Variants in IYD observed in about 807,000 individuals in gnomAD.
The protein encoded by IYD is iodotyrosine deiodinase.
IYD carries 25 observed loss-of-function variants against 28.4 expected under a neutral mutation model. The observed-to-expected ratio is 0.88, with a 90% CI of 0.64 to 1.23. The LOEUF is 1.23. Among genes scored for constraint, IYD ranks in the 50% most tolerant of loss-of-function variants. The pLI is 0.00. For synonymous variants in IYD, 140 were observed against 130.8 expected (o/e 1.07, Z -0.48); for missense variants, 352 against 357.9 (o/e 0.98, Z 0.13).
chr6:150,395,550 C>T (rs1778281918), intron 4 of IYD: 1 of 1,537,296 alleles, frequency 6.5e-7, no homozygotes. Flanking sequence ...GCAAGCTCAG[C>T]TCACAAGGCT....
chr6:150,391,308 A>G (rs932037666), intron 2 of IYD, among the ~76,000 whole-genome samples: 4 of 152,110 alleles, frequency 2.6e-5, no homozygotes, highest in Non-Finnish European at 4.4e-5. Context: ...CCACACTCAT[A>G]GCTTTGATAC....
intron 2 of IYD, chr6:150,389,753 A>G (rs1778041043): frequency 1.8e-6 from 1 of 547,616 alleles, no homozygotes; most frequent in Non-Finnish European, 3.3e-6. Flanking sequence ...TTGGAAGAAG[A>G]TGTGACAATA....
In IYD at chr6:150,398,116, T is replaced by C. The variant is rs761428166; in HGVS notation, c.749T>C (p.Leu250Pro). Residue 250 changes from leucine to proline, a missense_variant, in exon 5 of 5, where the codon CTC becomes CCC. Leu to Pro is a moderately conservative substitution (Grantham distance 98, BLOSUM62 -3). Transcript: ENST00000344419. Reference sequence around the variant, plus strand: ...AACTGTGGCCCTCGACTGAGGGTGCTCCTGGGCCGCCCCGCACATGAAAAG... The same window carrying C: ...AACTGTGGCCCTCGACTGAGGGTGCCCCTGGGCCGCCCCGCACATGAAAAG... ...PLNCGPRLRV[L>P]LGRPAHEKLL... The C allele has an allele frequency of 5.0e-6, 8 of 1,614,204 alleles. No individual in the cohort carries two copies. Among genetic ancestry groups the C allele is most frequent in the South Asian group, 1.1e-5 (1 of 91,082 alleles).
In IYD at chr6:150,398,871, A is replaced by T. The variant is rs1389544955; in HGVS notation, c.*634A>T. ...AGCCTGGCCAACATGGTGAAACCCC[A>T]TCTCTACTAAAAATACAAAAAATTA... On this transcript the variant is annotated 3_prime_UTR_variant, in exon 5 of 5. Coordinates refer to ENST00000344419, the MANE Select transcript of IYD (RefSeq NM_203395.3). 4 of 152,264 alleles carry T rather than the reference A, an allele frequency of 2.6e-5. No homozygotes were observed. Among genetic ancestry groups the T allele is most frequent in the Admixed American group, 6.6e-5 (1 of 15,264 alleles). 9.4% of individuals were successfully genotyped at this position (152,264 alleles called of 1,614,324 possible). A position where few individuals can be genotyped will look rare whatever the true frequency, so the allele number is the denominator to read the frequency against.
intron 1 of IYD, among the ~76,000 whole-genome samples, chr6:150,388,101 G>T (rs1777946478): frequency 6.6e-6 from 1 of 152,062 alleles, no homozygotes; most frequent in South Asian, 2.1e-4. Flanking sequence ...TTTGTATATT[G>T]GCATTTTCTT....
intron 1 of IYD, among the ~76,000 whole-genome samples, chr6:150,378,676 C>A (rs920052266): frequency 6.6e-5 from 10 of 152,182 alleles, no homozygotes; most frequent in Non-Finnish European, 1.5e-4. Flanking sequence ...AATATGAACA[C>A]TTTTACACTG....
chr6:150,396,678 T>C (rs1050652546), intron 4 of IYD: 6 of 371,980 alleles, frequency 1.6e-5, no homozygotes, highest in East Asian at 9.7e-5. Context: ...ATCGAGACCA[T>C]CCTGGCTAAC....
Position 150,369,099 on chromosome 6 carries a change from C to T in IYD, c.68C>T (p.Ala23Val). 6.2e-7 allele frequency: 1 copy of T among 1,613,864 alleles called. No homozygotes were observed. The highest frequency in any genetic ancestry group is 8.5e-7 in the Non-Finnish European group (1 of 1,179,972). The change falls in exon 1 of 5, where the codon GCC becomes GTC. Residue 23 changes from alanine to valine, a missense_variant. Transcript: ENST00000344419. Reference sequence around the variant, plus strand: ...TTGGTTGTGTGGATCTTTAAAAATGCCGACAGAAGCATGGAGAAAAAGAAG... The same window carrying T: ...TTGGTTGTGTGGATCTTTAAAAATGTCGACAGAAGCATGGAGAAAAAGAAG... ...CILVVWIFKN[A>V]DRSMEKKKGE...
At position 150,398,095 on chromosome 6, in the gene IYD, G is replaced by C. The variant is rs1281671695; in HGVS notation, c.728G>C (p.Cys243Ser). The change falls in exon 5 of 5, where the codon TGT (cysteine) becomes TCT (serine). Residue 243 changes from cysteine (C) to serine (S), a missense_variant. Physicochemically the swap from Cys to Ser is moderately radical, Grantham distance 112. Coordinates refer to ENST00000344419, the MANE Select transcript of IYD (RefSeq NM_203395.3). ...LVTVTTTPLN[C>S]GPRLRVLLGR... ...ACTGTCACTACCACTCCTCTCAACT[G>C]TGGCCCTCGACTGAGGGTGCTCCTG... is the stretch of plus-strand genomic sequence containing the variant. The C allele has an allele frequency of 1.2e-6, 2 of 1,614,176 alleles. No homozygotes were observed. Among genetic ancestry groups the C allele is most frequent in the Non-Finnish European group, 1.7e-6 (2 of 1,180,040 alleles).
At chr6:150,383,472 G>A (rs1777728773) in intron 1 of IYD, among the ~76,000 whole-genome samples, 1 of 152,176 alleles carries the variant, frequency 6.6e-6, no homozygotes, top group South Asian at 2.1e-4. Flanking sequence ...AATAACAGAT[G>A]AGCATTCCAA....
Position 150,370,220 on chromosome 6 carries a change from C to CGT in IYD, c.178+1013_178+1014dup, listed in dbSNP as rs1554229270. The stretch of plus-strand genomic sequence containing the variant: ...TTATGAATGTGCATGTGTGTGTGCG[C>CGT]GTGCGTGTGTGTGTGTGCATGAGAG... On this transcript the variant is annotated intron_variant, in intron 1 of 4. Transcript: ENST00000344419. Among the ~76,000 whole-genome samples, 18 of 145,096 alleles carry CGT rather than the reference C, an allele frequency of 1.2e-4. No individual in the cohort carries two copies. In the East Asian group the frequency reaches 3.2e-3, roughly 26 times the overall value.
At chr6:150,369,283 C>A in intron 1 of IYD, 74 bp downstream of exon 1, 2 of 1,439,622 alleles carry the variant, frequency 1.4e-6, no homozygotes, top group Non-Finnish European at 1.9e-6. Context: ...AATGGCAGGG[C>A]TTATGGAGAG....
At chr6:150,389,712 T>A (rs1429107911) in intron 2 of IYD, 169 bp downstream of exon 2, 1 of 638,976 alleles carries the variant, frequency 1.6e-6, no homozygotes, top group African/African-American at 1.8e-5. Flanking sequence ...CAATGACTTC[T>A]ACTTTCCACA....
At chr6:150,370,017 G>A in intron 1 of IYD, 1 of 702,294 alleles carries the variant, frequency 1.4e-6, no homozygotes, top group Admixed American at 2.0e-5. Context: ...AGGCAGGTAG[G>A]AAGGGAGAGA....
intron 1 of IYD, among the ~76,000 whole-genome samples, chr6:150,382,246 C>G (rs1777672236): frequency 1.3e-5 from 2 of 152,144 alleles, no homozygotes; most frequent in African/African-American, 4.8e-5. Context: ...ATTTTAGTTT[C>G]AAAATAGCCC....
intron 1 of IYD, among the ~76,000 whole-genome samples, chr6:150,380,522 T>C (rs1017276428): frequency 6.6e-6 from 1 of 152,164 alleles, no homozygotes; most frequent in Non-Finnish European, 1.5e-5. Context: ...GCTCATCCTA[T>C]TTAGAAAAAA....
chr6:150,384,847 ATCT>A (rs1433563359), intron 1 of IYD: 1 of 152,178 alleles, frequency 6.6e-6, no homozygotes, highest in Non-Finnish European at 1.5e-5. Flanking sequence ...TTATTGGAAA[ATCT>A]TCTTCTAAAA....
At chr6:150,397,582 AAAAAC>A (rs1562323564) in intron 4 of IYD, among the ~76,000 whole-genome samples, 4,216 of 123,108 alleles carry the variant, frequency 0.034, 254 homozygotes, top group African/African-American at 0.15. Context: ...AAAAAAAACA[AAAAAC>A]AAAACCGAAT....
chr6:150,372,309 ATGTG>A (rs553279028), intron 1 of IYD, among the ~76,000 whole-genome samples: 2 of 103,962 alleles, frequency 1.9e-5, no homozygotes, highest in Middle Eastern at 7.8e-3. Flanking sequence ...CTTATTAGAC[ATGTG>A]TGTGTGGGTG....
Sources: gnomAD v4.1 joint callset for allele counts (sites outside exome capture counted in the v4.1 genomes callset) on GRCh38, gnomAD v4.1.1 for gene constraint, MANE v1.5 for transcripts, NCBI Gene and HGNC (gene_info 2026-07-23, HGNC 2026-07-21) for gene names.